B3GALT1: variants seen among roughly 807,000 people sequenced by gnomAD.
B3GALT1 encodes UDP-Gal:betaGlcNAc beta 1,3-galactosyltransferase, polypeptide 1.
In B3GALT1, 10 loss-of-function variants were observed where a neutral mutation model predicts 23.2. That is an observed-to-expected ratio of 0.43 (90% CI 0.27 to 0.73). The LOEUF (loss-of-function observed/expected upper bound fraction) is 0.73, where lower values mean the gene tolerates loss of function less well. Among genes scored for constraint, B3GALT1 ranks in the 30% least tolerant of loss-of-function variants. The probability of loss-of-function intolerance (pLI) is 0.21; values close to 1 mark genes in which losing one functional copy is unlikely to be tolerated. For missense variants in B3GALT1, 299 were observed against 405.4 expected (o/e 0.74, Z 2.25); for synonymous variants, 156 against 141.5 (o/e 1.10, Z -0.73).
chr2:167,362,379 A>G (rs1697512427), intron 1 of B3GALT1, among the ~76,000 whole-genome samples: 1 of 152,068 alleles, frequency 6.6e-6, no homozygotes, highest in Non-Finnish European at 1.5e-5. Context: ...GCCTTTCTAC[A>G]CATTTACTTC....
intron 1 of B3GALT1, among the ~76,000 whole-genome samples, chr2:167,400,991 C>T (rs1698179691): frequency 6.6e-6 from 1 of 152,050 alleles, no homozygotes; most frequent in South Asian, 2.1e-4. Context: ...TTTCTCTGCT[C>T]AGATATGTAA....
chr2:167,776,077 C>CAA (rs1553486430), intron 3 of B3GALT1, among the ~76,000 whole-genome samples: 9 of 146,314 alleles, frequency 6.2e-5, no homozygotes, highest in African/African-American at 1.7e-4. Context: ...CACACACACA[C>CAA]AATTATAGGT....
At chr2:167,432,053 G>T (rs370189628) in intron 1 of B3GALT1, among the ~76,000 whole-genome samples, 1 of 152,154 alleles carries the variant, frequency 6.6e-6, no homozygotes, top group East Asian at 1.9e-4. Context: ...AGATACCCTG[G>T]GGGACATAAG....
intron 2 of B3GALT1, among the ~76,000 whole-genome samples, chr2:167,520,071 A>G (rs921543486): frequency 6.6e-6 from 1 of 151,932 alleles, no homozygotes; most frequent in African/African-American, 2.4e-5. Flanking sequence ...AAAGAAAAAT[A>G]TATTAATATG....
At chr2:167,847,386 C>T (rs1487609250) in intron 4 of B3GALT1, among the ~76,000 whole-genome samples, 1 of 152,130 alleles carries the variant, frequency 6.6e-6, no homozygotes, top group Non-Finnish European at 1.5e-5. Context: ...ATATCAAGCA[C>T]TCTCTCAGAC....
At chr2:167,346,034 ATT>A (rs531111570) in intron 1 of B3GALT1, among the ~76,000 whole-genome samples, 2,260 of 146,124 alleles carry the variant, frequency 0.015, 41 homozygotes, top group Admixed American at 0.038. Flanking sequence ...TATTTGTTGG[ATT>A]TTTTTTTTTT....
chr2:167,835,626 A>C (rs1689447687), intron 4 of B3GALT1, among the ~76,000 whole-genome samples: 1 of 152,222 alleles, frequency 6.6e-6, no homozygotes, highest in South Asian at 2.1e-4. Context: ...ACAAAAAGAC[A>C]GCAGTAACCT....
chr2:167,303,682 C>G (rs4233813), intron 1 of B3GALT1, among the ~76,000 whole-genome samples: 121,116 of 148,780 alleles, frequency 0.81, 49,713 homozygotes, highest in Middle Eastern at 0.94. Context: ...CACACACACA[C>G]AGAGAGAGAC....
At chr2:167,408,923 A>G (rs1351784554) in intron 1 of B3GALT1, among the ~76,000 whole-genome samples, 2 of 152,200 alleles carry the variant, frequency 1.3e-5, no homozygotes, top group African/African-American at 4.8e-5. Flanking sequence ...AAGAATTAAT[A>G]TTGTGAAAAT....
intron 1 of B3GALT1, among the ~76,000 whole-genome samples, chr2:167,450,474 A>T (rs1401100127): frequency 6.6e-6 from 1 of 152,150 alleles, no homozygotes; most frequent in Non-Finnish European, 1.5e-5. Context: ...GCTGAATACC[A>T]AATTCTTGGC....
At chr2:167,636,429 A>G (rs1479616132) in intron 2 of B3GALT1, among the ~76,000 whole-genome samples, 1 of 152,062 alleles carries the variant, frequency 6.6e-6, no homozygotes, top group African/African-American at 2.4e-5. Context: ...CAGTGTGGTA[A>G]TTCCTCAAGG....
chr2:167,507,762 G>T (rs1285239814), intron 2 of B3GALT1, among the ~76,000 whole-genome samples: 2 of 151,964 alleles, frequency 1.3e-5, no homozygotes, highest in African/African-American at 2.4e-5. Context: ...TACTTAATTT[G>T]TCTTAACATT....
chr2:167,710,596 A>T (rs1687032980), intron 3 of B3GALT1, among the ~76,000 whole-genome samples: 1 of 152,202 alleles, frequency 6.6e-6, no homozygotes, highest in Non-Finnish European at 1.5e-5. Context: ...TAGGGCATTA[A>T]TGTCTAAAAG....
intron 3 of B3GALT1, among the ~76,000 whole-genome samples, chr2:167,673,023 G>C (rs2105485451): frequency 6.8e-6 from 1 of 148,146 alleles, no homozygotes; most frequent in East Asian, 2.0e-4. Flanking sequence ...ATCTAATAAA[G>C]GTGCAAAATA....
Position 167,644,712 on chromosome 2 carries a change from G to A in B3GALT1, c.-409-2197G>A, listed in dbSNP as rs186151502. 3.8e-3 allele frequency among the ~76,000 whole-genome samples: 567 copies of A among 149,968 alleles called. 6 individuals are homozygous for A. The highest frequency in any genetic ancestry group is 0.013 in the African/African-American group (542 of 40,490). On this transcript the variant is annotated intron_variant, in intron 2 of 4. Transcript: ENST00000392690. ...GGAGAATGGCTTGAACCCGGGAGGC[G>A]GAGCTTGCAGTGAGCCAAGATCGCA... is the stretch of plus-strand genomic sequence containing the variant.
intron 3 of B3GALT1, among the ~76,000 whole-genome samples, chr2:167,672,153 C>T (rs997015829): frequency 6.6e-6 from 1 of 152,032 alleles, no homozygotes; most frequent in Non-Finnish European, 1.5e-5. Context: ...TGAAATTTTT[C>T]AGAAAGTTTC....
At chr2:167,348,645 C>T (rs886073767) in intron 1 of B3GALT1, among the ~76,000 whole-genome samples, 2 of 152,078 alleles carry the variant, frequency 1.3e-5, no homozygotes, top group Non-Finnish European at 2.9e-5. Flanking sequence ...GGCTGAATTT[C>T]AGTTTCTGGC....
chr2:167,506,313 G>T (rs1323115897), intron 2 of B3GALT1, among the ~76,000 whole-genome samples: 1 of 152,104 alleles, frequency 6.6e-6, no homozygotes, highest in Non-Finnish European at 1.5e-5. Context: ...AATGTGTAGA[G>T]ATTTAATATC....
In B3GALT1 at chr2:167,406,131, C is replaced by G. The variant is rs1167572478; in HGVS notation, c.-510-84046C>G. Among the ~76,000 whole-genome samples the G allele has an allele frequency of 2.0e-5, 3 of 151,540 alleles. No individual in the cohort carries two copies. The East Asian group carries it at 5.8e-4, about 29-fold the overall frequency. On this transcript the variant is annotated intron_variant, in intron 1 of 4. Coordinates refer to ENST00000392690, the MANE Select transcript of B3GALT1 (RefSeq NM_020981.4). ...AAGTTGAAAAAACAAGTGTTTTGAC[C>G]CTACTTTATACCATATGCAAAAAGC...
Sources: allele counts gnomAD v4.1 joint callset (sites outside exome capture counted in the v4.1 genomes callset), GRCh38; gene constraint gnomAD v4.1.1; transcripts MANE v1.5; gene names NCBI Gene and HGNC (gene_info 2026-07-23, HGNC 2026-07-21).